SETD2: variants seen among roughly 807,000 people sequenced by gnomAD.
SETD2 encodes histone-lysine N-methyltransferase SETD2.
A neutral mutation model predicts 242.1 loss-of-function variants in SETD2; 31 were observed. The observed-to-expected ratio is 0.13, with a 90% CI of 0.10 to 0.17. The LOEUF is 0.17. Ranked by LOEUF, SETD2 falls within the 10% of genes least tolerant of loss-of-function variation. The pLI is 1.00. For synonymous variants in SETD2, 1,006 were observed against 1,066.5 expected, an observed-to-expected ratio of 0.94 and a Z score of 1.11; for missense variants, 2,481 against 3,046.3, an observed-to-expected ratio of 0.81 and a Z score of 4.37.
At chr3:47,045,756 C>CAAATAAAA (rs1444341212) in intron 16 of SETD2, among the ~76,000 whole-genome samples, 1 of 144,116 alleles carries the variant, frequency 6.9e-6, no homozygotes, top group Non-Finnish European at 1.5e-5. Context: ...GGGTAAACAA[C>CAAATAAAA]AAATAAAAAG....
At position 47,122,971 on chromosome 3, in the gene SETD2, A is replaced by G. The variant is rs775419238; in HGVS notation, c.1665T>C (p.Tyr555=). 1.9e-6 allele frequency: 3 copies of G among 1,614,010 alleles called. No homozygotes were observed. The highest frequency in any genetic ancestry group is 1.3e-5 in the African/African-American group (1 of 75,068). Residue 555 remains tyrosine (Y), a synonymous_variant, in exon 3 of 21, where the codon TAT becomes TAC. Transcript: ENST00000409792. ...YSKHDSSASR[Y]KSTLSKPIPK... ...GTATAGGTTTTGAAAGGGTAGATTTATAACGGGAAGCACTACTGTCATGCT... is the reference window on the plus strand; with the variant it reads ...GTATAGGTTTTGAAAGGGTAGATTTGTAACGGGAAGCACTACTGTCATGCT...
chr3:47,154,002 T>C (rs559023233), intron 1 of SETD2, among the ~76,000 whole-genome samples: 5 of 152,298 alleles, frequency 3.3e-5, no homozygotes, highest in African/African-American at 1.2e-4. Context: ...CGTAGCACAA[T>C]ATGCCCTAAG....
intron 12 of SETD2, among the ~76,000 whole-genome samples, chr3:47,067,418 T>TC (rs767480757): frequency 2.4e-4 from 34 of 139,986 alleles, no homozygotes; most frequent in African/African-American, 8.8e-4. Context: ...TTTTTTTTTT[T>TC]TTTTTTTTTT....
At chr3:47,146,046 A>G (rs904043249) in intron 1 of SETD2, among the ~76,000 whole-genome samples, 9 of 140,882 alleles carry the variant, frequency 6.4e-5, no homozygotes, top group African/African-American at 1.8e-4. Flanking sequence ...AAAAAAAGCT[A>G]TACAGCCTAA....
intron 17 of SETD2, 138 bp from the exon 18 acceptor site, chr3:47,037,915 A>T: frequency 1.6e-6 from 1 of 623,504 alleles, no homozygotes; most frequent in Non-Finnish European, 2.9e-6. Flanking sequence ...TTAAAGACAA[A>T]CTTTTTCTAT....
intron 19 of SETD2, among the ~76,000 whole-genome samples, chr3:47,019,366 G>A (rs2038117907): frequency 1.3e-5 from 2 of 152,132 alleles, no homozygotes; most frequent in African/African-American, 4.8e-5. Context: ...TGAGTCAATG[G>A]GTACTGAAGT....
At chr3:47,103,306 G>T in intron 7 of SETD2, 40 bp downstream of exon 7, 1 of 1,390,090 alleles carries the variant, frequency 7.2e-7, no homozygotes, top group Non-Finnish European at 1.0e-6. Context: ...AACAGCAATC[G>T]TGAACAAATA....
intron 10 of SETD2, among the ~76,000 whole-genome samples, chr3:47,086,758 C>T (rs567595408): frequency 6.6e-6 from 1 of 150,618 alleles, no homozygotes; most frequent in Admixed American, 6.6e-5. Context: ...GGTTTTTTTA[C>T]ACTGTGGCTT....
chr3:47,133,184 G>A (rs2043518191), intron 1 of SETD2, among the ~76,000 whole-genome samples: 1 of 151,706 alleles, frequency 6.6e-6, no homozygotes, highest in Admixed American at 6.6e-5. Context: ...CTGGGTGAAG[G>A]GTATATAGGA....
intron 1 of SETD2, among the ~76,000 whole-genome samples, chr3:47,146,005 G>A (rs1390712777): frequency 9.0e-4 from 90 of 99,918 alleles, no homozygotes; most frequent in African/African-American, 3.3e-3. Flanking sequence ...GACAGAGCGA[G>A]ACCCTGTCTC....
chr3:47,117,285 C>CAAAAAAAAAA (rs1191196844), intron 3 of SETD2, among the ~76,000 whole-genome samples: 1 of 24,798 alleles, frequency 4.0e-5, no homozygotes, highest in African/African-American at 1.5e-4. Flanking sequence ...AAAAAACAAA[C>CAAAAAAAAAA]AAAAAAAAAA....
intron 1 of SETD2, 106 bp downstream of exon 1, chr3:47,163,748 C>T (rs972271472): frequency 4.4e-6 from 5 of 1,129,574 alleles, no homozygotes; most frequent in African/African-American, 1.6e-5. Context: ...CACCGTGGGC[C>T]TGTTACTCCT....
At chr3:47,068,300 A>G (rs1006390796) in intron 12 of SETD2, among the ~76,000 whole-genome samples, 2 of 152,260 alleles carry the variant, frequency 1.3e-5, no homozygotes, top group Admixed American at 6.5e-5. Flanking sequence ...AGGAAAGGTC[A>G]TGATGTAATA....
chr3:47,156,324 G>A (rs2044126859), intron 1 of SETD2, among the ~76,000 whole-genome samples: 1 of 152,162 alleles, frequency 6.6e-6, no homozygotes, highest in African/African-American at 2.4e-5. Context: ...AAAAATGACT[G>A]AGAAGATCTG....
intron 3 of SETD2, chr3:47,119,881 C>A: frequency 2.1e-6 from 1 of 467,720 alleles, no homozygotes; most frequent in Non-Finnish European, 4.1e-6. Flanking sequence ...GTCAGACTTT[C>A]ACATGTAAAA....
At chr3:47,130,471 A>T (rs2043451172) in intron 1 of SETD2, among the ~76,000 whole-genome samples, 2 of 152,372 alleles carry the variant, frequency 1.3e-5, no homozygotes, top group South Asian at 4.1e-4. Context: ...TGCTGCAGCA[A>T]TAAGAAGGCA....
chr3:47,095,596 G>A (rs1216970585), intron 9 of SETD2, among the ~76,000 whole-genome samples: 1 of 152,118 alleles, frequency 6.6e-6, no homozygotes, highest in Non-Finnish European at 1.5e-5. Flanking sequence ...AAAGCTAACA[G>A]ACTAGGTATG....
chr3:47,095,553 G>A (rs2041973899), intron 9 of SETD2, among the ~76,000 whole-genome samples: 1 of 152,134 alleles, frequency 6.6e-6, no homozygotes, highest in African/African-American at 2.4e-5. Flanking sequence ...ATCTAATGGA[G>A]TTTAAAGAAA....
intron 12 of SETD2, among the ~76,000 whole-genome samples, chr3:47,082,018 T>C (rs1330357623): frequency 6.6e-6 from 1 of 151,656 alleles, no homozygotes; most frequent in East Asian, 1.9e-4. Context: ...CAGATAGGAG[T>C]GGGGAAGATA....
Sources: allele counts gnomAD v4.1 joint callset (sites outside exome capture counted in the v4.1 genomes callset), GRCh38; gene constraint gnomAD v4.1.1; transcripts MANE v1.5; gene names NCBI Gene and HGNC (gene_info 2026-07-23, HGNC 2026-07-21).